CREB5: variants seen among roughly 807,000 people sequenced by gnomAD.
The protein encoded by CREB5 is cyclic AMP-responsive element-binding protein 5.
CREB5 carries 19 observed loss-of-function variants against 57.1 expected under a neutral mutation model. The observed-to-expected ratio is 0.33, with a 90% confidence interval of 0.23 to 0.49. The LOEUF is 0.49. Among genes scored for constraint, CREB5 ranks in the 20% least tolerant of loss-of-function variants. The probability of loss-of-function intolerance (pLI) is 0.99; values close to 1 mark genes in which losing one functional copy is unlikely to be tolerated. For synonymous variants in CREB5, 238 were observed against 238.3 expected (o/e 1.00, Z 0.01); for missense variants, 579 against 671.6 (o/e 0.86, Z 1.52).
chr7:28,423,154 C>T (rs1788344557), intron 1 of CREB5, among the ~76,000 whole-genome samples: 1 of 152,154 alleles, frequency 6.6e-6, no homozygotes, highest in Non-Finnish European at 1.5e-5. Flanking sequence ...ACTTATGGAA[C>T]CAAGTGTGCT....
At chr7:28,713,875 A>G (rs1029046038) in intron 5 of CREB5, among the ~76,000 whole-genome samples, 3 of 151,958 alleles carry the variant, frequency 2.0e-5, no homozygotes, top group African/African-American at 4.8e-5. Context: ...TTGTTTTTTA[A>G]TTCTGTTCTC....
At chr7:28,753,725 C>A (rs1436131912) in intron 7 of CREB5, among the ~76,000 whole-genome samples, 8 of 151,790 alleles carry the variant, frequency 5.3e-5, no homozygotes, top group Non-Finnish European at 1.2e-4. Flanking sequence ...TTTATAGAGC[C>A]AGAATGAACT....
upstream of CREB5, among the ~76,000 whole-genome samples, chr7:28,408,439 C>G (rs182025246): frequency 6.6e-6 from 1 of 152,120 alleles, no homozygotes; most frequent in Admixed American, 6.5e-5. Context: ...TGGTGACGGC[C>G]GGATACTGGA....
intron 1 of CREB5, among the ~76,000 whole-genome samples, chr7:28,334,679 T>C (rs1210654189): frequency 1.3e-5 from 2 of 152,186 alleles, no homozygotes; most frequent in Non-Finnish European, 2.9e-5. Flanking sequence ...GTTTCCTTTG[T>C]TGTGCAGAAG....
At chr7:28,659,163 G>A (rs1044174580) in intron 5 of CREB5, among the ~76,000 whole-genome samples, 11 of 151,554 alleles carry the variant, frequency 7.3e-5, no homozygotes, top group Non-Finnish European at 8.8e-5. Flanking sequence ...TAGGTGGATC[G>A]GATTTTTCTT....
At chr7:28,551,111 T>G (rs1047977923) in intron 4 of CREB5, among the ~76,000 whole-genome samples, 1 of 151,864 alleles carries the variant, frequency 6.6e-6, no homozygotes, top group African/African-American at 2.4e-5. Context: ...TGATTACCAG[T>G]GCCAAGCCGA....
chr7:28,659,644 TAC>T, intron 5 of CREB5, among the ~76,000 whole-genome samples: 1 of 152,232 alleles, frequency 6.6e-6, no homozygotes, highest in East Asian at 1.9e-4. Context: ...AATTTAAACA[TAC>T]AAAAAAACTG....
rs538833781 is a variant in CREB5, at chr7:28,658,493, A to G, written c.465-60260A>G. 4.6e-5 allele frequency among the ~76,000 whole-genome samples: 7 copies of G among 152,328 alleles called. No individual in the cohort carries two copies. In the South Asian group the frequency reaches 8.3e-4, roughly 18 times the overall value. ...GGAGGCAAGAGTTTCTGTTCTGCAC[A>G]TGCAGCAATTATCTTCATTGCAAGA... On this transcript the variant is annotated intron_variant, in intron 5 of 10. Coordinates refer to ENST00000357727, the MANE Select transcript of CREB5 (RefSeq NM_182898.4).
chr7:28,492,910 A>G (rs963986201), intron 2 of CREB5, among the ~76,000 whole-genome samples: 1 of 146,252 alleles, frequency 6.8e-6, no homozygotes, highest in Admixed American at 7.0e-5. Flanking sequence ...ACACAGTGTT[A>G]TAGACCAAAA....
At chr7:28,413,907 A>G (rs928888871) in intron 1 of CREB5, among the ~76,000 whole-genome samples, 1 of 152,150 alleles carries the variant, frequency 6.6e-6, no homozygotes, top group African/African-American at 2.4e-5. Context: ...CCATGATGGC[A>G]AGTTCCTAGA....
chr7:28,350,766 CT>C (rs781456917), intron 1 of CREB5, among the ~76,000 whole-genome samples: 25 of 151,488 alleles, frequency 1.7e-4, no homozygotes, highest in Non-Finnish European at 2.8e-4. Flanking sequence ...GTGTGGGGAG[CT>C]GGAGGAGGAA....
chr7:28,300,059 TTTA>T (rs1785073508), intron 1 of CREB5, among the ~76,000 whole-genome samples: 2 of 19,944 alleles, frequency 1.0e-4, no homozygotes, highest in Non-Finnish European at 1.6e-4. Context: ...GCTTTATTTA[TTTA>T]TTTATTTATT....
chr7:28,370,607 A>G (rs1166154496), intron 1 of CREB5, among the ~76,000 whole-genome samples: 2 of 152,228 alleles, frequency 1.3e-5, no homozygotes. Flanking sequence ...TATATTTTAT[A>G]CTTAAATAAT....
chr7:28,346,123 C>T (rs1232706732), intron 1 of CREB5, among the ~76,000 whole-genome samples: 1 of 152,124 alleles, frequency 6.6e-6, no homozygotes, highest in East Asian at 1.9e-4. Context: ...GTGATCAACA[C>T]CTGTGGAAGG....
Position 28,685,508 on chromosome 7 carries a change from T to C in CREB5, c.465-33245T>C, listed in dbSNP as rs548097673. Among the ~76,000 whole-genome samples, 149 of 152,270 alleles carry C rather than the reference T, an allele frequency of 9.8e-4. 1 individual carries two copies. The highest frequency in any genetic ancestry group is 3.5e-3 in the African/African-American group (146 of 41,562). On this transcript the variant is annotated intron_variant, in intron 5 of 10. Coordinates refer to ENST00000357727, the MANE Select transcript of CREB5 (RefSeq NM_182898.4). ...TCCAGGAAAAAAGGGCCCTGGGCGA[T>C]GGAAACCCTGTCACCTGGTTCTGAA...
chr7:28,680,316 C>A (rs1800523182), intron 5 of CREB5, among the ~76,000 whole-genome samples: 1 of 152,158 alleles, frequency 6.6e-6, no homozygotes, highest in African/African-American at 2.4e-5. Context: ...GGGTTGTCCA[C>A]CTCTCCCAAG....
At chr7:28,561,003 T>TGTGC (rs1795238608) in intron 4 of CREB5, among the ~76,000 whole-genome samples, 4 of 27,242 alleles carry the variant, frequency 1.5e-4, no homozygotes, top group Non-Finnish European at 2.8e-4. Context: ...TGCCTGCGTG[T>TGTGC]GCGTGTGTGT....
chr7:28,486,671 T>TATATATATATATATATATATATATAC (rs1791564868), intron 1 of CREB5, among the ~76,000 whole-genome samples: 1 of 30,728 alleles, frequency 3.3e-5, no homozygotes, highest in South Asian at 1.8e-3. Context: ...CCTATGATTT[T>TATATATATATATATATATATATATAC]ATATATATAT....
intron 4 of CREB5, chr7:28,513,428 G>A (rs1434323601): frequency 7.4e-6 from 1 of 135,496 alleles, no homozygotes; most frequent in Admixed American, 8.2e-5. Flanking sequence ...AGTAGATGAG[G>A]CTGCTTTTGA....
Sources: allele counts gnomAD v4.1 joint callset (sites outside exome capture counted in the v4.1 genomes callset), GRCh38; gene constraint gnomAD v4.1.1; transcripts MANE v1.5; gene names NCBI Gene and HGNC (gene_info 2026-07-23, HGNC 2026-07-21).